Variants in ZNF99 observed in about 807,000 individuals in gnomAD.
The protein encoded by ZNF99 is zinc finger protein 99.
ZNF99 carries 8 observed loss-of-function variants against 12.8 expected under a neutral mutation model. The ratio of observed to expected loss-of-function variants is 0.62; its 90% CI spans 0.37 to 1.13. The LOEUF (loss-of-function observed/expected upper bound fraction) is 1.13. Among genes scored for constraint, ZNF99 ranks in the 50% most tolerant of loss-of-function variants. The pLI, the probability that ZNF99 is intolerant of heterozygous loss-of-function variation, is 0.02. For synonymous variants in ZNF99, 318 were observed against 319.0 expected (o/e 1.00, Z 0.03); for missense variants, 1,007 against 1,006.2 (o/e 1.00, Z -0.01).
chr19:22,783,873 G>C, intron 1 of ZNF99, 141 bp downstream of exon 1: 1 of 1,119,752 alleles, frequency 8.9e-7, no homozygotes, highest in South Asian at 1.2e-5. Context: ...GGCTGAAGGA[G>C]ACTGAGGCCG....
chr19:22,763,504 T>A lies in ZNF99; in HGVS notation c.227-3822A>T, dbSNP rs188364518. Among the ~76,000 whole-genome samples, 235 of 152,020 alleles carry A rather than the reference T, an allele frequency of 1.5e-3. 1 individual carries two copies. Among genetic ancestry groups the A allele is most frequent in the African/African-American group, 5.4e-3 (226 of 41,470 alleles). ...AGATGACACAAACAAATGGAAACAGTCCACGTTCATGGATAGGTAGAATCA... is the reference window on the plus strand; with the variant it reads ...AGATGACACAAACAAATGGAAACAGACCACGTTCATGGATAGGTAGAATCA... On this transcript the variant is annotated intron_variant, in intron 3 of 3. Transcript: ENST00000596209.
At chr19:22,766,382 C>T (rs550585660) in intron 3 of ZNF99, among the ~76,000 whole-genome samples, 152 of 150,500 alleles carry the variant, frequency 1.0e-3, no homozygotes, top group African/African-American at 3.7e-3. Flanking sequence ...CTCTATTGCC[C>T]AGGGTGGAGT....
intron 1 of ZNF99, among the ~76,000 whole-genome samples, chr19:22,781,903 C>T (rs1235993050): frequency 1.3e-5 from 2 of 151,774 alleles, no homozygotes; most frequent in Non-Finnish European, 2.9e-5. Flanking sequence ...CAAAGGAAAA[C>T]CTTTACCTTT....
intron 1 of ZNF99, among the ~76,000 whole-genome samples, chr19:22,773,356 C>A (rs563777801): frequency 7.9e-4 from 121 of 152,300 alleles, no homozygotes; most frequent in Middle Eastern, 3.4e-3. Flanking sequence ...TGTTGTATTA[C>A]ACAATTAAAC....
rs1442448720 is a variant in ZNF99, at chr19:22,754,763, T to C, written c.*2551A>G. 1 of 229,602 alleles carries C rather than the reference T, an allele frequency of 4.4e-6. No individual in the cohort carries two copies. The highest frequency in any genetic ancestry group is 8.8e-6 in the Non-Finnish European group (1 of 113,952). The allele number at this position is 229,602 out of a possible 1,614,324, so 14.2% of individuals were successfully genotyped here. Reference sequence around the variant, plus strand: ...TTGTAGGGTTTCTCTTCAGTATAAATTGTTTATTAAGAATTGAAGAATTAG... The same window carrying C: ...TTGTAGGGTTTCTCTTCAGTATAAACTGTTTATTAAGAATTGAAGAATTAG... On this transcript the variant is annotated 3_prime_UTR_variant, in exon 4 of 4. Transcript: ENST00000596209.
At position 22,772,626 on chromosome 19, in the gene ZNF99, G is replaced by A. The variant is rs576794789; in HGVS notation, c.4-3302C>T. Among the ~76,000 whole-genome samples the A allele has an allele frequency of 8.2e-4, 124 of 150,998 alleles. 1 individual carries two copies. Among genetic ancestry groups the A allele is most frequent in the South Asian group, 7.3e-3 (35 of 4,788 alleles). The stretch of plus-strand genomic sequence containing the variant: ...CGGGAGGCAGGGGTTGCGGTGAGCC[G>A]AGATGGTGCCATTGCACTCCAGCCT... On this transcript the variant is annotated intron_variant, in intron 1 of 3. Coordinates refer to ENST00000596209, the MANE Select transcript of ZNF99 (RefSeq NM_001080409.3).
chr19:22,777,291 T>C (rs1973340629), intron 1 of ZNF99, among the ~76,000 whole-genome samples: 1 of 152,146 alleles, frequency 6.6e-6, no homozygotes, highest in Non-Finnish European at 1.5e-5. Context: ...AGAAAACTAA[T>C]GCAGAAAGAG....
chr19:22,779,630 T>G (rs554266068), intron 1 of ZNF99, among the ~76,000 whole-genome samples: 1 of 152,232 alleles, frequency 6.6e-6, no homozygotes, highest in Non-Finnish European at 1.5e-5. Context: ...AACAGGCTTC[T>G]GAACTTTGAG....
chr19:22,766,208 TA>T (rs1002434583), intron 3 of ZNF99, among the ~76,000 whole-genome samples: 3 of 100,434 alleles, frequency 3.0e-5, no homozygotes, highest in Admixed American at 9.5e-5. Context: ...CAAAACAAAA[TA>T]AAAAAAATAA....
At position 22,757,357 on chromosome 19, in the gene ZNF99, GC is replaced by G; in HGVS notation, c.2551del (p.Ala851GlnfsTer4). ...ERNPANVKNVAKLLNISQPLE... is the reference protein window; with the variant it reads ...ERNPANVKNVXKLLNISQPLE... ...GGGCTGAGAAATGTTTAAAAGCTTT[GC>G]CACATTCTTCACATTTGCAGGGTTT... On this transcript the variant is annotated frameshift_variant, in exon 4 of 4. Transcript: ENST00000596209. LOFTEE classifies it low-confidence loss of function (END_TRUNC). 6.2e-7 allele frequency: 1 copy of G among 1,611,014 alleles called. No homozygotes were observed. The highest frequency in any genetic ancestry group is 8.5e-7 in the Non-Finnish European group (1 of 1,179,130).
In ZNF99 at chr19:22,758,383, C is replaced by T. The variant is rs370191196; in HGVS notation, c.1526G>A (p.Cys509Tyr). The T allele has an allele frequency of 3.3e-4, 532 of 1,601,720 alleles. 2 individuals are homozygous for T. Among genetic ancestry groups the T allele is most frequent in the Non-Finnish European group, 3.2e-4 (375 of 1,173,008 alleles). Residue 509 changes from cysteine to tyrosine, a missense_variant, in exon 4 of 4, where the codon TGC (cysteine) becomes TAC (tyrosine). Transcript: ENST00000596209. Reference sequence around the variant, plus strand: ...AGCTTTGCCACATTCTTCACATTTGCAAGGTTTCTCTTCCATATGAATTAC... The same window carrying T: ...AGCTTTGCCACATTCTTCACATTTGTAAGGTTTCTCTTCCATATGAATTAC... Reference protein sequence around the residue: ...HKVIHMEEKPCKCEECGKAFK... With the variant: ...HKVIHMEEKPYKCEECGKAFK...
In ZNF99 at chr19:22,757,337, G is replaced by A; in HGVS notation, c.2572C>T (p.Gln858Ter). ...KNVAKLLNISQPLENMR is the reference protein window; with the variant it reads ...KNVAKLLNIS ...AATTATCTCATGTTTTCTAAGGGCT[G>A]AGAAATGTTTAAAAGCTTTGCCACA... is the stretch of plus-strand genomic sequence containing the variant. Residue 858 changes from glutamine to a stop codon, truncating the protein, a stop_gained, in exon 4 of 4, where the codon CAG (glutamine) becomes TAG (stop). Transcript: ENST00000596209. LOFTEE classifies it high-confidence loss of function. 2.5e-6 allele frequency: 4 copies of A among 1,612,528 alleles called. No homozygotes were observed. The highest frequency in any genetic ancestry group is 3.4e-6 in the Non-Finnish European group (4 of 1,179,668).
Position 22,756,223 on chromosome 19 carries a change from A to G in ZNF99, c.*1091T>C. On this transcript the variant is annotated 3_prime_UTR_variant, in exon 4 of 4. Transcript: ENST00000596209. Reference sequence around the variant, plus strand: ...CACATTTTTAGGGCTTCTCCCCAGTATGAATTATCTTATGTTTAGTAAGGG... The same window carrying G: ...CACATTTTTAGGGCTTCTCCCCAGTGTGAATTATCTTATGTTTAGTAAGGG... 3 of 1,567,718 alleles carry G rather than the reference A, an allele frequency of 1.9e-6. No individual in the cohort carries two copies. The highest frequency in any genetic ancestry group is 2.6e-6 in the Non-Finnish European group (3 of 1,155,734).
chr19:22,760,412 T>C (rs1973137019), intron 3 of ZNF99, among the ~76,000 whole-genome samples: 1 of 152,162 alleles, frequency 6.6e-6, no homozygotes, highest in South Asian at 2.1e-4. Context: ...ATGTTTCTCA[T>C]GACACAAAGT....
Position 22,754,178 on chromosome 19 carries a change from T to A in ZNF99, c.*3136A>T, listed in dbSNP as rs1280402066. On this transcript the variant is annotated 3_prime_UTR_variant, in exon 4 of 4. Transcript: ENST00000596209. ...GGTCAGGAGTTCAAAACCAGCCTGG[T>A]CAAAATGGTGAAACCCCGTCTCTAC... 2 of 447,228 alleles carry A rather than the reference T, an allele frequency of 4.5e-6. No homozygotes were observed. The highest frequency in any genetic ancestry group is 7.0e-5 in the East Asian group (1 of 14,264). The allele number at this position is 447,228 out of a possible 1,614,324, so 27.7% of individuals were successfully genotyped here.
intron 1 of ZNF99, among the ~76,000 whole-genome samples, chr19:22,782,912 C>CCCGCCTCAG (rs1973405456): frequency 6.6e-6 from 1 of 151,482 alleles, no homozygotes. Context: ...TCGTGATTCA[C>CCCGCCTCAG]CCGCCTCGGC....
chr19:22,761,253 G>A (rs753659498), intron 3 of ZNF99, among the ~76,000 whole-genome samples: 18 of 152,042 alleles, frequency 1.2e-4, no homozygotes, highest in African/African-American at 2.4e-4. Context: ...CCCTAATGGC[G>A]TGAGGTAATT....
rs1973007826 is a variant in ZNF99, at chr19:22,753,968, T to C, written c.*3346A>G. On this transcript the variant is annotated 3_prime_UTR_variant, in exon 4 of 4. Coordinates refer to ENST00000596209, the MANE Select transcript of ZNF99 (RefSeq NM_001080409.3). The stretch of plus-strand genomic sequence containing the variant: ...CTTCTTGACACTATGATTTCTTTTA[T>C]GTTTAGAAAAGTTTAAGGTGTTCTC... 1 of 452,606 alleles carries C rather than the reference T, an allele frequency of 2.2e-6. No homozygotes were observed. Among genetic ancestry groups the C allele is most frequent in the South Asian group, 1.6e-5 (1 of 64,132 alleles). 28.0% of individuals were successfully genotyped at this position (452,606 alleles called of 1,614,324 possible).
chr19:22,765,249 C>T lies in ZNF99; in HGVS notation c.226+3056G>A, dbSNP rs141797937. On this transcript the variant is annotated intron_variant, in intron 3 of 3. Transcript: ENST00000596209. ...AAATCAGAAATGGAAAACCAAACAT[C>T]GTATGTTCTCACTGATATGTGGGAG... is the stretch of plus-strand genomic sequence containing the variant. Among the ~76,000 whole-genome samples, 253 of 152,202 alleles carry T rather than the reference C, an allele frequency of 1.7e-3. 2 individuals carry two copies. Among genetic ancestry groups the T allele is most frequent in the East Asian group, 0.01 (54 of 5,164 alleles).
Sources: allele counts gnomAD v4.1 joint callset (sites outside exome capture counted in the v4.1 genomes callset), GRCh38; gene constraint gnomAD v4.1.1; transcripts MANE v1.5; gene names NCBI Gene and HGNC (gene_info 2026-07-23, HGNC 2026-07-21).